The following AMPH variants were observed in gnomAD, a reference collection of about 807,000 sequenced individuals.
The protein encoded by AMPH is amphiphysin (Stiff-Mann syndrome with breast cancer 128kD autoantigen).
Under a neutral mutation model 99.1 loss-of-function variants are expected in AMPH, and 49 were observed. The ratio of observed to expected loss-of-function variants is 0.49; its 90% CI spans 0.39 to 0.63. The LOEUF is 0.63. AMPH is among the 20% of genes least tolerant of loss of function. AMPH has a pLI of 0.00. For missense variants in AMPH, 759 were observed against 863.4 expected (o/e 0.88, Z 1.52); for synonymous variants, 314 against 317.3 (o/e 0.99, Z 0.11).
At chr7:38,459,573 G>C (rs891019166) in intron 11 of AMPH, among the ~76,000 whole-genome samples, 8 of 151,916 alleles carry the variant, frequency 5.3e-5, no homozygotes, top group African/African-American at 1.9e-4. Flanking sequence ...TTTCAGTAAA[G>C]GTATCAAGAA....
chr7:38,398,830 C>T (rs899785947), intron 17 of AMPH, among the ~76,000 whole-genome samples: 1 of 151,502 alleles, frequency 6.6e-6, no homozygotes, highest in African/African-American at 2.4e-5. Context: ...CCTACGTACC[C>T]ACAAAAGTTA....
At chr7:38,436,196 T>A in intron 12 of AMPH, 76 bp downstream of exon 12, 2 of 1,050,384 alleles carry the variant, frequency 1.9e-6, no homozygotes, top group South Asian at 2.6e-5. Flanking sequence ...ATGAAAGGTA[T>A]AGGGATCATT....
intron 20 of AMPH, among the ~76,000 whole-genome samples, chr7:38,389,585 T>C (rs1784433602): frequency 1.3e-5 from 2 of 152,148 alleles, no homozygotes; most frequent in Admixed American, 1.3e-4. Context: ...TAAGAAACAG[T>C]CAACTGTTTG....
intron 17 of AMPH, among the ~76,000 whole-genome samples, chr7:38,409,742 G>T (rs1785160003): frequency 2.0e-5 from 3 of 152,126 alleles, no homozygotes; most frequent in Non-Finnish European, 4.4e-5. Flanking sequence ...TGTTGCCATG[G>T]CAACGTCTGT....
intron 19 of AMPH, 22 bp downstream of exon 19, chr7:38,391,726 G>C (rs1784499787): frequency 6.2e-7 from 1 of 1,604,038 alleles, no homozygotes; most frequent in Non-Finnish European, 8.5e-7. Context: ...AAGGATAAAT[G>C]AGACTTAAAA....
chr7:38,575,353 T>C (rs969376264), intron 1 of AMPH, among the ~76,000 whole-genome samples: 7 of 152,330 alleles, frequency 4.6e-5, no homozygotes, highest in South Asian at 2.1e-4. Flanking sequence ...GAGCATTATA[T>C]TGTCAAAGCA....
intron 11 of AMPH, among the ~76,000 whole-genome samples, chr7:38,438,608 A>G (rs1255550578): frequency 2.7e-5 from 4 of 150,908 alleles, no homozygotes. Flanking sequence ...AAGGAAGCTC[A>G]AATGGGAATT....
chr7:38,519,425 T>G (rs1219649684), intron 2 of AMPH, among the ~76,000 whole-genome samples: 2 of 152,158 alleles, frequency 1.3e-5, no homozygotes, highest in Non-Finnish European at 2.9e-5. Flanking sequence ...TTAATTGATA[T>G]CAATTAAATA....
chr7:38,630,951 G>A (rs1456909424), intron 1 of AMPH, among the ~76,000 whole-genome samples: 1 of 152,140 alleles, frequency 6.6e-6, no homozygotes, highest in East Asian at 1.9e-4. Flanking sequence ...CAGCGGGCAA[G>A]CTGCCGCACC....
chr7:38,428,623 C>T (rs1180758712), intron 14 of AMPH: 1 of 456,624 alleles, frequency 2.2e-6, no homozygotes, highest in Non-Finnish European at 4.4e-6. Flanking sequence ...CTAGTCAAAT[C>T]CCATCCCTCA....
intron 1 of AMPH, among the ~76,000 whole-genome samples, chr7:38,607,738 C>T (rs943189319): frequency 3.9e-5 from 6 of 152,174 alleles, no homozygotes; most frequent in African/African-American, 1.4e-4. Flanking sequence ...AGACAAGGAA[C>T]CCTGCACAAT....
intron 1 of AMPH, among the ~76,000 whole-genome samples, chr7:38,595,396 C>T (rs1038451711): frequency 6.6e-6 from 1 of 152,114 alleles, no homozygotes; most frequent in Admixed American, 6.6e-5. Flanking sequence ...GGCTGAAGGG[C>T]TCTATAGCCA....
chr7:38,529,106 C>T (rs1046142080), intron 2 of AMPH, among the ~76,000 whole-genome samples: 15 of 152,126 alleles, frequency 9.9e-5, no homozygotes, highest in African/African-American at 2.9e-4. Context: ...TCCAGCCTCC[C>T]GGCTCTACAA....
intron 11 of AMPH, among the ~76,000 whole-genome samples, chr7:38,443,425 T>C (rs1400119071): frequency 6.6e-6 from 1 of 151,962 alleles, no homozygotes; most frequent in African/African-American, 2.4e-5. Context: ...ATATTCCCCA[T>C]GAACAGGAAT....
intron 1 of AMPH, among the ~76,000 whole-genome samples, chr7:38,553,725 A>G (rs1791260622): frequency 6.6e-6 from 1 of 152,240 alleles, no homozygotes; most frequent in African/African-American, 2.4e-5. Context: ...TCTGTAAAAT[A>G]AAACTCCAAA....
chr7:38,482,984 C>T (rs1788348264), intron 5 of AMPH, among the ~76,000 whole-genome samples: 1 of 152,060 alleles, frequency 6.6e-6, no homozygotes, highest in Admixed American at 6.6e-5. Flanking sequence ...AGCTCCTTAA[C>T]CCTTGGCAAG....
At chr7:38,582,170 C>T (rs528143419) in intron 1 of AMPH, among the ~76,000 whole-genome samples, 11 of 152,128 alleles carry the variant, frequency 7.2e-5, no homozygotes, top group African/African-American at 2.6e-4. Flanking sequence ...TAAAAAGGAA[C>T]CAGCTAAAAA....
At chr7:38,553,018 A>G (rs1386615841) in intron 1 of AMPH, among the ~76,000 whole-genome samples, 1 of 152,156 alleles carries the variant, frequency 6.6e-6, no homozygotes, top group Non-Finnish European at 1.5e-5. Flanking sequence ...ACTTCCTGTA[A>G]GCCAGTGGGA....
intron 1 of AMPH, among the ~76,000 whole-genome samples, chr7:38,629,976 C>T (rs1794398778): frequency 6.6e-6 from 1 of 152,106 alleles, no homozygotes; most frequent in South Asian, 2.1e-4. Context: ...GGACTAGAGG[C>T]AGCCACCAAG....
Sources: gnomAD v4.1 joint callset for allele counts (sites outside exome capture counted in the v4.1 genomes callset) on GRCh38, gnomAD v4.1.1 for gene constraint, MANE v1.5 for transcripts, NCBI Gene and HGNC (gene_info 2026-07-23, HGNC 2026-07-21) for gene names.